The following TMC1 variants were observed in gnomAD, a reference collection of about 807,000 sequenced individuals.
The protein encoded by TMC1 is transmembrane channel-like protein 1.
In TMC1, 84 loss-of-function variants were observed where a neutral mutation model predicts 105.8. That is an observed-to-expected ratio of 0.79 (90% CI 0.67 to 0.95). The LOEUF (loss-of-function observed/expected upper bound fraction) is 0.95. TMC1 is among the 40% of genes least tolerant of loss of function. The probability of loss-of-function intolerance (pLI) is 0.00; values close to 1 mark genes in which losing one functional copy is unlikely to be tolerated. For missense variants in TMC1, 817 were observed against 914.1 expected (o/e 0.89, Z 1.37); for synonymous variants, 315 against 311.5 (o/e 1.01, Z -0.12).
intron 2 of TMC1, among the ~76,000 whole-genome samples, chr9:72,594,867 TTC>T (rs1408373999): frequency 6.7e-6 from 1 of 150,188 alleles, no homozygotes; most frequent in Non-Finnish European, 1.5e-5. Context: ...CTTCTTCTTC[TTC>T]TTTTTTTTTT....
chr9:72,567,887 C>T (rs1824194547), intron 1 of TMC1, among the ~76,000 whole-genome samples: 1 of 152,044 alleles, frequency 6.6e-6, no homozygotes, highest in South Asian at 2.1e-4. Context: ...TAACCTGAGG[C>T]CCTAAAAATT....
intron 12 of TMC1, among the ~76,000 whole-genome samples, chr9:72,763,085 C>CT (rs148498655): frequency 0.011 from 1,185 of 109,274 alleles, 4 homozygotes; most frequent in East Asian, 0.026. Context: ...CTAGCGATGC[C>CT]TTTTTTTTTT....
At chr9:72,594,526 C>A (rs1824688308) in intron 2 of TMC1, among the ~76,000 whole-genome samples, 1 of 152,184 alleles carries the variant, frequency 6.6e-6, no homozygotes. Context: ...TCTGCTGTTT[C>A]TCAGGTGACT....
chr9:72,824,402 A>T (rs1020459974), intron 20 of TMC1, among the ~76,000 whole-genome samples: 1 of 152,234 alleles, frequency 6.6e-6, no homozygotes, highest in Non-Finnish European at 1.5e-5. Context: ...GGTGGGTCCC[A>T]AGCTCTTGTC....
rs1043445837 is a variant in TMC1, at chr9:72,598,675, A to G, written c.-305-17693A>G. On this transcript the variant is annotated intron_variant, in intron 2 of 23. Transcript: ENST00000297784. ...GCCTTCTGCCTGCTAGGAAGGCCCA[A>G]CTAATTTCACAGTCTTTATCAGTGA... Among the ~76,000 whole-genome samples, 5 of 152,178 alleles carry G rather than the reference A, an allele frequency of 3.3e-5. No individual in the cohort carries two copies. In the East Asian group the frequency reaches 9.6e-4, roughly 29 times the overall value.
chr9:72,584,784 C>CT (rs71357591), intron 2 of TMC1, among the ~76,000 whole-genome samples: 6,680 of 112,902 alleles, frequency 0.059, 543 homozygotes, highest in African/African-American at 0.16. Context: ...CTTTTCTTTT[C>CT]TTTTTTTTTT....
chr9:72,542,411 G>A (rs1040232603), intron 1 of TMC1, among the ~76,000 whole-genome samples: 1 of 151,922 alleles, frequency 6.6e-6, no homozygotes, highest in Non-Finnish European at 1.5e-5. Flanking sequence ...AGTGAGCTGA[G>A]GTAGCGCCAC....
chr9:72,609,479 G>T (rs747115345), intron 2 of TMC1, among the ~76,000 whole-genome samples: 1 of 152,172 alleles, frequency 6.6e-6, no homozygotes, highest in African/African-American at 2.4e-5. Flanking sequence ...GGCAGAGGTT[G>T]TAGTGAGCCG....
At chr9:72,765,542 G>A (rs1239852236) in intron 12 of TMC1, among the ~76,000 whole-genome samples, 1 of 151,404 alleles carries the variant, frequency 6.6e-6, no homozygotes, top group Non-Finnish European at 1.5e-5. Flanking sequence ...AAGGCATGGA[G>A]GCATGAGATA....
chr9:72,522,153 A>T (rs1231623230), intron 1 of TMC1, among the ~76,000 whole-genome samples: 1 of 145,336 alleles, frequency 6.9e-6, no homozygotes, highest in Non-Finnish European at 1.5e-5. Flanking sequence ...GTAATTGATA[A>T]GTTTTTTTTT....
rs1017006435 is a variant in TMC1, at chr9:72,836,745, G to T, written c.*772G>T. ...CATAAATGACTGTTGTTCTCTCACAGTCTGCTCATTTGTCTTCCAATGATC... is the reference window on the plus strand; with the variant it reads ...CATAAATGACTGTTGTTCTCTCACATTCTGCTCATTTGTCTTCCAATGATC... On this transcript the variant is annotated 3_prime_UTR_variant, in exon 24 of 24. Coordinates refer to ENST00000297784, the MANE Select transcript of TMC1 (RefSeq NM_138691.3). The T allele has an allele frequency of 6.6e-6, 1 of 151,936 alleles. No homozygotes were observed. Among genetic ancestry groups the T allele is most frequent in the East Asian group, 1.9e-4 (1 of 5,180 alleles). 9.4% of individuals were successfully genotyped at this position (151,936 alleles called of 1,614,324 possible). A position where few individuals can be genotyped will look rare whatever the true frequency, so the allele number is the denominator to read the frequency against.
chr9:72,702,565 A>C (rs1826662242), intron 8 of TMC1, among the ~76,000 whole-genome samples: 1 of 152,034 alleles, frequency 6.6e-6, no homozygotes, highest in Admixed American at 6.6e-5. Flanking sequence ...CTCAGAACAG[A>C]CTTGATGCCC....
chr9:72,789,331 T>G lies in TMC1; in HGVS notation c.1224+14T>G. 6.2e-7 allele frequency: 1 copy of G among 1,611,646 alleles called. No individual in the cohort carries two copies. The highest frequency in any genetic ancestry group is 8.5e-7 in the Non-Finnish European group (1 of 1,177,724). On this transcript the variant is annotated intron_variant, in intron 15 of 23. Transcript: ENST00000297784. ...GAAAAAAATGAAGTTCGTCTCTGCA[T>G]GCTTTTTATGTGCTTAGAACCTGAC...
intron 12 of TMC1, among the ~76,000 whole-genome samples, chr9:72,763,447 A>G (rs1181454924): frequency 2.0e-5 from 3 of 152,210 alleles, no homozygotes; most frequent in African/African-American, 7.2e-5. Context: ...AAGGAAAGCT[A>G]TATAGTGTTA....
chr9:72,691,405 C>A (rs766810284), intron 6 of TMC1, among the ~76,000 whole-genome samples: 1 of 151,674 alleles, frequency 6.6e-6, no homozygotes, highest in Non-Finnish European at 1.5e-5. Context: ...TTTTGGTATC[C>A]ATATATTAGA....
chr9:72,540,936 T>C (rs1823664323), intron 1 of TMC1, among the ~76,000 whole-genome samples: 2 of 152,238 alleles, frequency 1.3e-5, no homozygotes, highest in African/African-American at 4.8e-5. Context: ...ACAGATATAA[T>C]GATTAGTTAT....
chr9:72,656,641 C>T (rs1825889464), intron 5 of TMC1, among the ~76,000 whole-genome samples: 1 of 152,076 alleles, frequency 6.6e-6, no homozygotes, highest in Non-Finnish European at 1.5e-5. Flanking sequence ...GCAATATTTT[C>T]CCTACTTCTT....
rs1827946739 is a variant in TMC1, at chr9:72,772,536, T to A, written c.865T>A (p.Phe289Ile). 3 of 1,613,776 alleles carry A rather than the reference T, an allele frequency of 1.9e-6. No individual in the cohort carries two copies. The highest frequency in any genetic ancestry group is 2.5e-6 in the Non-Finnish European group (3 of 1,179,814). ...GGGGATTATGTGCATTGGATACAGC[T>A]TTCTGGTTGTCCTCAAAGCGTAAGT... is the stretch of plus-strand genomic sequence containing the variant. ...LVGIMCIGYS[F>I]LVVLKAMTKN... is the part of the protein sequence containing the mutation. The change falls in exon 13 of 24, where the codon TTT (phenylalanine) becomes ATT (isoleucine). Residue 289 changes from phenylalanine to isoleucine, a missense_variant. Transcript: ENST00000297784.
intron 10 of TMC1, among the ~76,000 whole-genome samples, chr9:72,744,505 C>A (rs1006046746): frequency 1.7e-4 from 26 of 152,110 alleles, no homozygotes; most frequent in African/African-American, 6.0e-4. Context: ...TTGAGAGGCA[C>A]TGAAAAACAA....
Sources: gnomAD v4.1 joint callset for allele counts (sites outside exome capture counted in the v4.1 genomes callset) on GRCh38, gnomAD v4.1.1 for gene constraint, MANE v1.5 for transcripts, NCBI Gene and HGNC (gene_info 2026-07-23, HGNC 2026-07-21) for gene names.